Variants in CD8B2 observed in about 807,000 individuals in gnomAD.
CD8B2 encodes CD8B family member 2, also known as T-cell surface glycoprotein CD8 beta-2 chain.
In CD8B2, 11 loss-of-function variants were observed where a neutral mutation model predicts 23.7. The observed-to-expected ratio is 0.46, with a 90% CI of 0.29 to 0.77. The LOEUF (loss-of-function observed/expected upper bound fraction) is 0.77, where lower values mean the gene tolerates loss of function less well. Ranked by LOEUF, CD8B2 falls within the 30% of genes least tolerant of loss-of-function variation. The pLI is 0.09. For missense variants in CD8B2, 197 were observed against 270.5 expected, an observed-to-expected ratio of 0.73 and a Z score of 1.91; for synonymous variants, 90 against 109.3, an observed-to-expected ratio of 0.82 and a Z score of 1.10.
At chr2:106,536,264 T>C (rs1024258383) in intron 5 of CD8B2, among the ~76,000 whole-genome samples, 3 of 152,034 alleles carry the variant, frequency 2.0e-5, no homozygotes, top group Admixed American at 6.6e-5. Flanking sequence ...ACTCCTGACT[T>C]CAGGTGATCC....
chr2:106,498,013 A>G (rs1490023133), intron 3 of CD8B2, among the ~76,000 whole-genome samples: 2 of 152,226 alleles, frequency 1.3e-5, no homozygotes, highest in Non-Finnish European at 2.9e-5. Context: ...CCTTCATCCT[A>G]GCACTAAATT....
chr2:106,513,618 G>A (rs889941307), downstream of CD8B2, among the ~76,000 whole-genome samples: 2 of 151,400 alleles, frequency 1.3e-5, no homozygotes, highest in Non-Finnish European at 2.9e-5. Context: ...CCCCTCCCCA[G>A]CACCCCTTCA....
intron 5 of CD8B2, among the ~76,000 whole-genome samples, chr2:106,536,306 A>G (rs1277891467): frequency 6.6e-6 from 1 of 152,172 alleles, no homozygotes; most frequent in Non-Finnish European, 1.5e-5. Flanking sequence ...TGCTGGGATT[A>G]CAGCCATGAA....
chr2:106,499,100 T>C (rs1458604808), intron 3 of CD8B2, among the ~76,000 whole-genome samples: 1 of 152,090 alleles, frequency 6.6e-6, no homozygotes, highest in Non-Finnish European at 1.5e-5. Flanking sequence ...ACATTTTGGA[T>C]GGGAGACAGT....
intron 4 of CD8B2, among the ~76,000 whole-genome samples, chr2:106,503,404 T>C (rs925394810): frequency 2.6e-5 from 4 of 152,072 alleles, no homozygotes; most frequent in Non-Finnish European, 4.4e-5. Context: ...GAGCATACTT[T>C]TGCCTACAAT....
intron 5 of CD8B2, 39 bp downstream of exon 5, chr2:106,504,364 C>A: frequency 1.9e-6 from 3 of 1,554,616 alleles, no homozygotes; most frequent in Non-Finnish European, 1.7e-6. Flanking sequence ...GGTTCCTCAG[C>A]CCCTGCTGCA....
intron 2 of CD8B2, among the ~76,000 whole-genome samples, chr2:106,495,269 T>A (rs1177902684): frequency 6.6e-6 from 1 of 151,962 alleles, no homozygotes; most frequent in Admixed American, 6.6e-5. Flanking sequence ...CGGTGGCTCG[T>A]ACCTGTAATA....
chr2:106,498,532 C>T (rs927725756), intron 3 of CD8B2, among the ~76,000 whole-genome samples: 6 of 152,096 alleles, frequency 3.9e-5, no homozygotes, highest in Non-Finnish European at 5.9e-5. Context: ...AAGAATAACC[C>T]GGATGTGTGT....
rs898870971 is a variant in CD8B2, at chr2:106,510,445, A to T, written c.*3505A>T. ...TTGGTATTTGGAAGTTTCTTCAGCA[A>T]GCACATGGGATTACAGCTCATGCCT... On this transcript the variant is annotated 3_prime_UTR_variant, in exon 6 of 6. Transcript: ENST00000643224. 6.6e-6 allele frequency: 1 copy of T among 152,246 alleles called. No homozygotes were observed. The highest frequency in any genetic ancestry group is 2.4e-5 in the African/African-American group (1 of 41,456). The allele number at this position is 152,246 out of a possible 1,614,324, so 9.4% of individuals were successfully genotyped here. A position where few individuals can be genotyped will look rare whatever the true frequency, so the allele number is the denominator to read the frequency against.
chr2:106,504,805 T>C (rs1558878689), intron 5 of CD8B2, among the ~76,000 whole-genome samples: 1 of 152,194 alleles, frequency 6.6e-6, no homozygotes, highest in Non-Finnish European at 1.5e-5. Context: ...TTTCATCCCC[T>C]TGGTTCTGTG....
rs1253886948 is a variant in CD8B2 at position 106,509,059 on chromosome 2, C to A, written c.*2119C>A. On this transcript the variant is annotated 3_prime_UTR_variant, in exon 6 of 6. Coordinates refer to ENST00000643224, the MANE Select transcript of CD8B2 (RefSeq NM_001349727.2). ...ATTCAGCACGAATTGGCCTTAGATG[C>A]CCTGCCCCCAGACCCAGGTGTTTTC... is the stretch of plus-strand genomic sequence containing the variant. The A allele has an allele frequency of 4.0e-5, 6 of 150,700 alleles. No homozygotes were observed. The highest frequency in any genetic ancestry group is 7.4e-5 in the Non-Finnish European group (5 of 67,696). The allele number at this position is 150,700 out of a possible 1,614,324, so 9.3% of individuals were successfully genotyped here. A position where few individuals can be genotyped will look rare whatever the true frequency, so the allele number is the denominator to read the frequency against.
At chr2:106,542,263 G>A (rs1558889549) in intron 5 of CD8B2, among the ~76,000 whole-genome samples, 1 of 152,248 alleles carries the variant, frequency 6.6e-6, no homozygotes. Context: ...GTTCACGGCT[G>A]GTCAGCTGTG....
chr2:106,522,614 G>T (rs1679844632), intron 5 of CD8B2, among the ~76,000 whole-genome samples: 1 of 152,120 alleles, frequency 6.6e-6, no homozygotes, highest in Non-Finnish European at 1.5e-5. Context: ...GCTTCTCAGG[G>T]CTTTCCACAG....
downstream of CD8B2, among the ~76,000 whole-genome samples, chr2:106,515,302 G>T (rs1461414705): frequency 6.6e-6 from 1 of 152,180 alleles, no homozygotes; most frequent in Non-Finnish European, 1.5e-5. Context: ...CCTATTTCCT[G>T]GTACCCACTC....
At chr2:106,495,206 T>C (rs976638242) in intron 2 of CD8B2, among the ~76,000 whole-genome samples, 14 of 152,160 alleles carry the variant, frequency 9.2e-5, no homozygotes, top group Non-Finnish European at 1.8e-4. Context: ...AAAAATGCTA[T>C]GACTTGTCCC....
intron 5 of CD8B2, among the ~76,000 whole-genome samples, chr2:106,516,265 A>C (rs545726120): frequency 6.6e-6 from 1 of 152,248 alleles, no homozygotes; most frequent in South Asian, 2.1e-4. Context: ...AGCTTTGCTG[A>C]GTTCACCAAC....
intron 5 of CD8B2, among the ~76,000 whole-genome samples, chr2:106,536,508 A>G (rs1024145280): frequency 1.3e-5 from 2 of 152,180 alleles, no homozygotes; most frequent in African/African-American, 4.8e-5. Flanking sequence ...TTCAGCTTAG[A>G]TATAGGTTGG....
At chr2:106,544,062 G>A (rs182578595) in exon 6 of CD8B2, 24 of 398,566 alleles carry the variant, frequency 6.0e-5, no homozygotes, top group East Asian at 5.3e-4. Context: ...TGCCTGATCC[G>A]CTTTGGTCAA....
chr2:106,490,201 G>A (rs1442691611), intron 1 of CD8B2, among the ~76,000 whole-genome samples: 3 of 152,020 alleles, frequency 2.0e-5, no homozygotes, highest in Non-Finnish European at 2.9e-5. Flanking sequence ...GGAGCCTACC[G>A]AAGGGCTGTA....
Sources: allele counts gnomAD v4.1 joint callset (sites outside exome capture counted in the v4.1 genomes callset), GRCh38; gene constraint gnomAD v4.1.1; transcripts MANE v1.5; gene names NCBI Gene and HGNC (gene_info 2026-07-23, HGNC 2026-07-21).